Variants in FGD6 observed in about 807,000 individuals in gnomAD.
FGD6 encodes FYVE, RhoGEF and PH domain-containing protein 6.
A neutral mutation model predicts 149.4 loss-of-function variants in FGD6; 90 were observed. The ratio of observed to expected loss-of-function variants is 0.60; its 90% CI spans 0.51 to 0.72. The LOEUF (loss-of-function observed/expected upper bound fraction) is 0.72. Among genes scored for constraint, FGD6 ranks in the 30% least tolerant of loss-of-function variants. The probability of loss-of-function intolerance (pLI) is 0.00; values close to 1 mark genes in which losing one functional copy is unlikely to be tolerated. For missense variants in FGD6, 1,437 were observed against 1,684.8 expected (o/e 0.85, Z 2.57); for synonymous variants, 527 against 584.0 (o/e 0.90, Z 1.41).
intron 2 of FGD6, among the ~76,000 whole-genome samples, chr12:95,192,783 G>C (rs368912148): frequency 6.6e-6 from 1 of 152,188 alleles, no homozygotes; most frequent in South Asian, 2.1e-4. Context: ...ATGTGAATTA[G>C]GTCTAGAAAG....
chr12:95,145,308 G>A lies in FGD6; in HGVS notation c.2686-3769C>T, dbSNP rs565540844. Among the ~76,000 whole-genome samples, 35 of 152,268 alleles carry A rather than the reference G, an allele frequency of 2.3e-4. No individual in the cohort carries two copies. In the South Asian group the frequency reaches 7.1e-3, roughly 31 times the overall value. On this transcript the variant is annotated intron_variant, in intron 5 of 20. Coordinates refer to ENST00000343958, the MANE Select transcript of FGD6 (RefSeq NM_018351.4). Reference sequence around the variant, plus strand: ...CCAACCAGAGAATTACATATTCTAAGTAAGCACTCGGCAAAGATTCTGTAC... The same window carrying A: ...CCAACCAGAGAATTACATATTCTAAATAAGCACTCGGCAAAGATTCTGTAC...
Position 95,210,431 on chromosome 12 carries a change from A to G in FGD6, c.853T>C (p.Ser285Pro), listed in dbSNP as rs2056719416. 2 of 1,614,130 alleles carry G rather than the reference A, an allele frequency of 1.2e-6. No individual in the cohort carries two copies. The highest frequency in any genetic ancestry group is 1.3e-5 in the African/African-American group (1 of 75,042). The change falls in exon 2 of 21, where the codon TCT (serine) becomes CCT (proline). Residue 285 changes from serine to proline, a missense_variant. Physicochemically the swap from Ser to Pro is moderately conservative, Grantham distance 74 (BLOSUM62 -1). Coordinates refer to ENST00000343958, the MANE Select transcript of FGD6 (RefSeq NM_018351.4). ...LENGKRSTLI[S>P]SDGVSKKSEV... ...GATTTCTTACTAACTCCATCTGAAG[A>G]TATTAAAGTACTCCTTTTCCCATTT...
At chr12:95,208,751 G>C in intron 2 of FGD6, 92 bp downstream of exon 2, 1 of 1,383,352 alleles carries the variant, frequency 7.2e-7, no homozygotes, top group South Asian at 1.4e-5. Flanking sequence ...CTTCAACCAC[G>C]TGTTTTTTTT....
At chr12:95,102,460 A>AAAAAC (rs921158946) in intron 14 of FGD6, among the ~76,000 whole-genome samples, 5 of 151,372 alleles carry the variant, frequency 3.3e-5, no homozygotes, top group Non-Finnish European at 7.4e-5. Flanking sequence ...AAAAAAAAAA[A>AAAAAC]AAAAAAACAC....
chr12:95,096,782 G>T (rs1472852136), intron 14 of FGD6, among the ~76,000 whole-genome samples: 1 of 152,226 alleles, frequency 6.6e-6, no homozygotes, highest in Non-Finnish European at 1.5e-5. Flanking sequence ...AAACCCAAGT[G>T]TAGTTAAGGA....
intron 8 of FGD6, among the ~76,000 whole-genome samples, chr12:95,133,170 C>A (rs912830001): frequency 1.3e-5 from 2 of 152,230 alleles, no homozygotes; most frequent in Non-Finnish European, 2.9e-5. Context: ...ATAATCTCAG[C>A]ACTTTGGGAG....
chr12:95,153,932 TGTGTGTGTGTGTGTGA>T (rs1231572609), intron 3 of FGD6, among the ~76,000 whole-genome samples: 4 of 129,718 alleles, frequency 3.1e-5, no homozygotes, highest in Non-Finnish European at 5.0e-5. Flanking sequence ...TGTGTGTGTG[TGTGTGTGTGTGTGTGA>T]GTGAGAGAGA....
chr12:95,175,801 A>G (rs1881117367), intron 2 of FGD6, among the ~76,000 whole-genome samples: 4 of 141,528 alleles, frequency 2.8e-5, no homozygotes, highest in South Asian at 2.2e-4. Flanking sequence ...CTCTGTCTCA[A>G]AAAAAAAAAA....
intron 3 of FGD6, among the ~76,000 whole-genome samples, chr12:95,157,202 C>T (rs771669328): frequency 5.3e-5 from 8 of 152,172 alleles, no homozygotes; most frequent in Non-Finnish European, 8.8e-5. Flanking sequence ...ATATTTGTCC[C>T]TTCATGTTTT....
intron 2 of FGD6, 26 bp downstream of exon 2, chr12:95,208,817 A>G (rs1184828483): frequency 8.2e-6 from 13 of 1,591,470 alleles, no homozygotes; most frequent in Non-Finnish European, 1.1e-5. Context: ...TGATGCATGC[A>G]AAAGTGTCTG....
At chr12:95,166,879 C>CAG (rs1880836078) in intron 3 of FGD6, among the ~76,000 whole-genome samples, 3 of 118,074 alleles carry the variant, frequency 2.5e-5, no homozygotes, top group Non-Finnish European at 5.0e-5. Context: ...TTTTTTGAGT[C>CAG]AGAGTCTCAC....
chr12:95,081,444 AT>A lies in FGD6; in HGVS notation c.*75del. The A allele has an allele frequency of 7.7e-7, 1 of 1,305,492 alleles. No individual in the cohort carries two copies. Among genetic ancestry groups the A allele is most frequent in the South Asian group, 1.8e-5 (1 of 55,756 alleles). 80.9% of individuals were successfully genotyped at this position (1,305,492 alleles called of 1,614,324 possible). ...TCTTGGCAGTGTTCATTTTTATACA[AT>A]TTTTGAATTGCATTTACTCCATTCT... On this transcript the variant is annotated 3_prime_UTR_variant, in exon 21 of 21. Transcript: ENST00000343958.
intron 9 of FGD6, among the ~76,000 whole-genome samples, chr12:95,111,339 G>GT (rs1878816770): frequency 6.6e-6 from 1 of 152,024 alleles, no homozygotes; most frequent in African/African-American, 2.4e-5. Flanking sequence ...CTGTTCACTG[G>GT]TTTTCTCATC....
chr12:95,109,203 G>T (rs1208062862), intron 9 of FGD6, among the ~76,000 whole-genome samples: 1 of 152,150 alleles, frequency 6.6e-6, no homozygotes, highest in Non-Finnish European at 1.5e-5. Context: ...TTAGCAAAGT[G>T]TTTTTCCATA....
At chr12:95,166,375 A>G (rs1473119584) in intron 3 of FGD6, among the ~76,000 whole-genome samples, 4 of 152,194 alleles carry the variant, frequency 2.6e-5, no homozygotes, top group African/African-American at 7.2e-5. Flanking sequence ...TTGTTGAGAT[A>G]TAATTCATAT....
chr12:95,125,907 A>G, intron 8 of FGD6: 1 of 1,418,440 alleles, frequency 7.1e-7, no homozygotes, highest in Non-Finnish European at 1.0e-6. Context: ...GAGACAGGCC[A>G]TGCCTTTCAA....
chr12:95,209,863 C>T lies in FGD6; in HGVS notation c.1421G>A (p.Gly474Glu), dbSNP rs1409739295. 6.2e-7 allele frequency: 1 copy of T among 1,612,140 alleles called. No homozygotes were observed. Among genetic ancestry groups the T allele is most frequent in the East Asian group, 2.2e-5 (1 of 44,874 alleles). The change falls in exon 2 of 21, where the codon GGA (glycine) becomes GAA (glutamate). Residue 474 changes from glycine (G) to glutamate (E), a missense_variant. Transcript: ENST00000343958. ...CTTTTGCATTTGAGGGGCAGAAACT[C>T]CCAGGTTTCTCCCAGATTGCAAATG... ...NEHLQSGRNL[G>E]VSAPQMQKES...
chr12:95,125,042 T>TA (rs1879295351), intron 8 of FGD6, among the ~76,000 whole-genome samples: 2 of 152,176 alleles, frequency 1.3e-5, no homozygotes, highest in Admixed American at 1.3e-4. Context: ...AATTTTTTTT[T>TA]AATAACTGTA....
intron 5 of FGD6, among the ~76,000 whole-genome samples, chr12:95,152,236 G>A (rs1164701876): frequency 6.6e-6 from 1 of 152,100 alleles, no homozygotes; most frequent in East Asian, 1.9e-4. Context: ...TGAGGTAGGA[G>A]AATTGCCTGA....
Sources: gnomAD v4.1 joint callset for allele counts (sites outside exome capture counted in the v4.1 genomes callset) on GRCh38, gnomAD v4.1.1 for gene constraint, MANE v1.5 for transcripts, NCBI Gene and HGNC (gene_info 2026-07-23, HGNC 2026-07-21) for gene names.